NCAM2: variants seen among roughly 807,000 people sequenced by gnomAD.
NCAM2 encodes the protein N-CAM-2.
In NCAM2, 30 loss-of-function variants were observed where a neutral mutation model predicts 98.1. The ratio of observed to expected loss-of-function variants is 0.31; its 90% CI spans 0.23 to 0.41. NCAM2 has a LOEUF of 0.41. NCAM2 is among the 10% of genes least tolerant of loss of function. The pLI is 1.00. For synonymous variants in NCAM2, 368 were observed against 342.4 expected, an observed-to-expected ratio of 1.07 and a Z score of -0.83; for missense variants, 867 against 1,005.8, an observed-to-expected ratio of 0.86 and a Z score of 1.87.
At chr21:21,116,096 A>G (rs2826660) in intron 1 of NCAM2, among the ~76,000 whole-genome samples, 27,431 of 151,644 alleles carry the variant, frequency 0.18, 2,673 homozygotes, top group Non-Finnish European at 0.22. Context: ...ACATAGATGT[A>G]CAGTTCCAGA....
intron 1 of NCAM2, among the ~76,000 whole-genome samples, chr21:21,274,357 C>T (rs1231187470): frequency 1.3e-5 from 2 of 151,930 alleles, no homozygotes; most frequent in Admixed American, 1.3e-4. Context: ...TTAGAAGAAA[C>T]AATAAAAATA....
chr21:21,126,658 A>T (rs527388512), intron 1 of NCAM2, among the ~76,000 whole-genome samples: 1 of 152,154 alleles, frequency 6.6e-6, no homozygotes, highest in East Asian at 1.9e-4. Flanking sequence ...TGCAAGTGAA[A>T]TTTCAACAGA....
chr21:21,322,142 A>G (rs1013481722), intron 5 of NCAM2, among the ~76,000 whole-genome samples: 3 of 152,140 alleles, frequency 2.0e-5, no homozygotes, highest in African/African-American at 7.2e-5. Context: ...AAACAAACAA[A>G]CATGAAATCA....
At chr21:21,518,006 T>G (rs1017319126) in intron 16 of NCAM2, among the ~76,000 whole-genome samples, 1 of 152,182 alleles carries the variant, frequency 6.6e-6, no homozygotes, top group Non-Finnish European at 1.5e-5. Context: ...TCTGTGAACA[T>G]TTGTTTCTTT....
intron 1 of NCAM2, among the ~76,000 whole-genome samples, chr21:21,171,401 A>G (rs377654188): frequency 7.3e-4 from 111 of 152,276 alleles, no homozygotes; most frequent in African/African-American, 2.5e-3. Flanking sequence ...CTTTATCTCT[A>G]TTTGGTAGGG....
At chr21:21,221,340 A>G (rs1261177070) in intron 1 of NCAM2, among the ~76,000 whole-genome samples, 1 of 143,448 alleles carries the variant, frequency 7.0e-6, no homozygotes, top group East Asian at 2.1e-4. Context: ...ATTTAAAACA[A>G]AATACAGAAG....
chr21:21,096,725 C>T (rs942773580), intron 1 of NCAM2, among the ~76,000 whole-genome samples: 4 of 151,472 alleles, frequency 2.6e-5, no homozygotes, highest in African/African-American at 9.7e-5. Flanking sequence ...CATGGAATAT[C>T]TGCAAGCGTT....
intron 1 of NCAM2, among the ~76,000 whole-genome samples, chr21:21,024,084 T>C (rs1296226227): frequency 6.6e-6 from 1 of 152,174 alleles, no homozygotes; most frequent in African/African-American, 2.4e-5. Flanking sequence ...CCCAAAGCAA[T>C]AATACAAAGA....
At chr21:21,133,673 T>A (rs2826675) in intron 1 of NCAM2, among the ~76,000 whole-genome samples, 64,355 of 152,024 alleles carry the variant, frequency 0.42, 14,258 homozygotes, top group African/African-American at 0.56. Flanking sequence ...ATAGAATTAT[T>A]CTCAAAGTGC....
intron 9 of NCAM2, among the ~76,000 whole-genome samples, chr21:21,397,878 T>C (rs2076547776): frequency 1.3e-5 from 2 of 152,240 alleles, no homozygotes; most frequent in Non-Finnish European, 2.9e-5. Flanking sequence ...TGGAAAACTG[T>C]GTGGAGATTC....
chr21:21,061,277 T>C (rs1315043180), intron 1 of NCAM2, among the ~76,000 whole-genome samples: 2 of 152,212 alleles, frequency 1.3e-5, no homozygotes, highest in Non-Finnish European at 2.9e-5. Context: ...AAGTGTCATT[T>C]AAAGTTATTG....
chr21:21,197,741 A>T (rs2069056504), intron 1 of NCAM2, among the ~76,000 whole-genome samples: 1 of 152,192 alleles, frequency 6.6e-6, no homozygotes, highest in African/African-American at 2.4e-5. Context: ...TCTATGGCCA[A>T]CGAGTTGAGA....
At chr21:21,480,239 C>A (rs1016794215) in intron 15 of NCAM2, among the ~76,000 whole-genome samples, 2 of 151,496 alleles carry the variant, frequency 1.3e-5, no homozygotes, top group African/African-American at 4.8e-5. Context: ...TACTGGCGGG[C>A]GCCTGTTGTC....
At chr21:21,525,271 A>G (rs1989260577) in intron 16 of NCAM2, among the ~76,000 whole-genome samples, 1 of 152,166 alleles carries the variant, frequency 6.6e-6, no homozygotes, top group African/African-American at 2.4e-5. Flanking sequence ...GCTAACTCAG[A>G]AAAATAAAAG....
chr21:21,262,737 G>A (rs912861511), intron 1 of NCAM2, among the ~76,000 whole-genome samples: 1 of 151,260 alleles, frequency 6.6e-6, no homozygotes, highest in Non-Finnish European at 1.5e-5. Flanking sequence ...TCACACTGGT[G>A]GTAAATACAT....
At chr21:21,255,751 C>T (rs534572177) in intron 1 of NCAM2, among the ~76,000 whole-genome samples, 2 of 152,250 alleles carry the variant, frequency 1.3e-5, no homozygotes, top group South Asian at 4.1e-4. Context: ...ATAAACATGG[C>T]CCAACTTAGT....
At position 21,506,097 on chromosome 21, in the gene NCAM2, C is replaced by A. The variant is rs577900903; in HGVS notation, c.2078-2754C>A. On this transcript the variant is annotated intron_variant, in intron 15 of 17. Transcript: ENST00000400546. ...GTGTATAATAAATCAGATATATTGTCATTGATCTATAGGATTTATTGCCTA... is the reference window on the plus strand; with the variant it reads ...GTGTATAATAAATCAGATATATTGTAATTGATCTATAGGATTTATTGCCTA... Among the ~76,000 whole-genome samples the A allele has an allele frequency of 2.6e-5, 4 of 152,118 alleles. No homozygotes were observed. The South Asian group carries it at 8.3e-4, about 32-fold the overall frequency.
At chr21:21,221,036 A>G (rs2070126639) in intron 1 of NCAM2, among the ~76,000 whole-genome samples, 1 of 152,144 alleles carries the variant, frequency 6.6e-6, no homozygotes, top group African/African-American at 2.4e-5. Flanking sequence ...TTCTTACAAT[A>G]TTGCAAACTT....
At chr21:21,282,550 C>A (rs1285323537) in intron 2 of NCAM2, among the ~76,000 whole-genome samples, 1 of 151,596 alleles carries the variant, frequency 6.6e-6, no homozygotes, top group Non-Finnish European at 1.5e-5. Context: ...GCAAGCCACT[C>A]TGCTTGTATG....
Sources: gnomAD v4.1 joint callset for allele counts (sites outside exome capture counted in the v4.1 genomes callset) on GRCh38, gnomAD v4.1.1 for gene constraint, MANE v1.5 for transcripts, NCBI Gene and HGNC (gene_info 2026-07-23, HGNC 2026-07-21) for gene names.